Variants in RANBP2 observed in about 807,000 individuals in gnomAD.
RANBP2 encodes RAN binding protein 2, also known as E3 SUMO-protein ligase RanBP2.
Under a neutral mutation model 303.6 loss-of-function variants are expected in RANBP2, and 57 were observed. The observed-to-expected ratio is 0.19, with a 90% confidence interval of 0.15 to 0.23. The LOEUF is 0.23. Ranked by LOEUF, RANBP2 falls within the 10% of genes least tolerant of loss-of-function variation. The pLI is 1.00. For synonymous variants in RANBP2, 1,167 were observed against 1,301.5 expected (o/e 0.90, Z 2.23); for missense variants, 3,138 against 3,780.8 (o/e 0.83, Z 4.46).
chr2:109,140,176 T>G, the RANBP2 span, among the ~76,000 whole-genome samples: 1 of 152,208 alleles, frequency 6.6e-6, no homozygotes. Flanking sequence ...GCTGCATTGA[T>G]GCACATGGTT....
chr2:108,857,369 T>G, the RANBP2 span, among the ~76,000 whole-genome samples: 1 of 152,108 alleles, frequency 6.6e-6, no homozygotes, highest in Non-Finnish European at 1.5e-5. Flanking sequence ...GCGCCCGGAC[T>G]ATTGCATTTT....
At chr2:108,987,116 A>G in the RANBP2 span, among the ~76,000 whole-genome samples, 28,907 of 152,058 alleles carry the variant, frequency 0.19, 2,921 homozygotes, top group Middle Eastern at 0.26. Context: ...GCTGTCTGCC[A>G]AACACCATCC....
chr2:109,376,114 A>C, the RANBP2 span, among the ~76,000 whole-genome samples: 1 of 152,170 alleles, frequency 6.6e-6, no homozygotes, highest in African/African-American at 2.4e-5. Flanking sequence ...TGGTGGTGTA[A>C]ATGTTTGTGG....
the RANBP2 span, among the ~76,000 whole-genome samples, chr2:108,935,802 T>C: frequency 6.6e-6 from 1 of 152,232 alleles, no homozygotes; most frequent in East Asian, 1.9e-4. Flanking sequence ...CCCTGCTCTA[T>C]TGGGCCTTTA....
At chr2:109,438,979 G>A in the RANBP2 span, among the ~76,000 whole-genome samples, 41 of 152,290 alleles carry the variant, frequency 2.7e-4, no homozygotes, top group African/African-American at 9.4e-4. Flanking sequence ...CACTCATCAC[G>A]GTGAGTCAGC....
intron 6 of RANBP2, among the ~76,000 whole-genome samples, chr2:108,739,948 A>G (rs1353607805): frequency 1.3e-5 from 2 of 151,932 alleles, no homozygotes; most frequent in Non-Finnish European, 2.9e-5. Flanking sequence ...AGATCGTGCC[A>G]TTGCACTCCA....
chr2:109,011,401 G>A, the RANBP2 span, among the ~76,000 whole-genome samples: 1 of 152,158 alleles, frequency 6.6e-6, no homozygotes, highest in African/African-American at 2.4e-5. Context: ...TGTTGCCATT[G>A]GGAAGTGCCA....
intron 7 of RANBP2, among the ~76,000 whole-genome samples, chr2:108,745,844 A>G (rs1422080728): frequency 6.6e-6 from 1 of 151,714 alleles, no homozygotes; most frequent in Non-Finnish European, 1.5e-5. Flanking sequence ...ATTTCTCTGA[A>G]TGTAACATGA....
At chr2:109,012,251 C>A in the RANBP2 span, among the ~76,000 whole-genome samples, 1 of 152,156 alleles carries the variant, frequency 6.6e-6, no homozygotes, top group African/African-American at 2.4e-5. Context: ...ACAGTTTGCT[C>A]CCCTGGAGGG....
At chr2:108,913,647 T>TAAAA in the RANBP2 span, among the ~76,000 whole-genome samples, 1 of 152,068 alleles carries the variant, frequency 6.6e-6, no homozygotes, top group East Asian at 1.9e-4. Flanking sequence ...GGAAGGAGGC[T>TAAAA]GGTGATAAAA....
At chr2:109,074,572 G>A in the RANBP2 span, among the ~76,000 whole-genome samples, 1 of 149,640 alleles carries the variant, frequency 6.7e-6, no homozygotes, top group African/African-American at 2.4e-5. Context: ...GTGGTGGCAT[G>A]TGCCTGTAAT....
At chr2:109,570,355 T>C in the RANBP2 span, among the ~76,000 whole-genome samples, 1 of 152,180 alleles carries the variant, frequency 6.6e-6, no homozygotes, top group Admixed American at 6.5e-5. Flanking sequence ...CTCATTAATG[T>C]CTTTACAGTT....
the RANBP2 span, among the ~76,000 whole-genome samples, chr2:109,030,935 A>G: frequency 1.3e-5 from 2 of 152,146 alleles, no homozygotes; most frequent in Non-Finnish European, 2.9e-5. Flanking sequence ...AAAATGGTTT[A>G]ATAATTGGTA....
At chr2:109,713,972 C>G in the RANBP2 span, among the ~76,000 whole-genome samples, 2 of 152,234 alleles carry the variant, frequency 1.3e-5, no homozygotes, top group Non-Finnish European at 2.9e-5. Flanking sequence ...CACTATCTAC[C>G]TGGAGTTGGA....
At chr2:109,507,255 G>A in the RANBP2 span, among the ~76,000 whole-genome samples, 4 of 152,216 alleles carry the variant, frequency 2.6e-5, no homozygotes, top group South Asian at 4.2e-4. Context: ...TTCCCGAGCC[G>A]GCCCCACCCC....
At chr2:109,535,676 A>C in the RANBP2 span, among the ~76,000 whole-genome samples, 1 of 152,230 alleles carries the variant, frequency 6.6e-6, no homozygotes, top group Non-Finnish European at 1.5e-5. Flanking sequence ...CTTGGGCCTC[A>C]GCAAAGGCAC....
At chr2:108,925,971 T>G in the RANBP2 span, among the ~76,000 whole-genome samples, 25 of 152,312 alleles carry the variant, frequency 1.6e-4, no homozygotes, top group African/African-American at 5.5e-4. Flanking sequence ...AAACTGTCCT[T>G]CCTCACCCAG....
the RANBP2 span, among the ~76,000 whole-genome samples, chr2:109,332,416 C>T: frequency 2.6e-5 from 4 of 152,178 alleles, no homozygotes; most frequent in Non-Finnish European, 4.4e-5. Context: ...CCCAGCACCC[C>T]GAGCAGGGTG....
At chr2:108,721,367 A>C (rs1694231060) in intron 1 of RANBP2, among the ~76,000 whole-genome samples, 1 of 152,194 alleles carries the variant, frequency 6.6e-6, no homozygotes, top group Admixed American at 6.5e-5. Flanking sequence ...TATAAATATG[A>C]ATGTGATGAT....
Sources: allele counts gnomAD v4.1 joint callset (sites outside exome capture counted in the v4.1 genomes callset), GRCh38; gene constraint gnomAD v4.1.1; transcripts MANE v1.5; gene names NCBI Gene and HGNC (gene_info 2026-07-23, HGNC 2026-07-21).